Variants in NAV2 observed in about 807,000 individuals in gnomAD.
NAV2 encodes neuron navigator 2, also known as helicase, APC down-regulated 1.
In NAV2, 54 loss-of-function variants were observed where a neutral mutation model predicts 223.2. The ratio of observed to expected loss-of-function variants is 0.24; its 90% CI spans 0.19 to 0.30. The LOEUF (loss-of-function observed/expected upper bound fraction) is 0.30, where lower values mean the gene tolerates loss of function less well. Among genes scored for constraint, NAV2 ranks in the 10% least tolerant of loss-of-function variants. NAV2 has a pLI of 1.00. For missense variants in NAV2, 2,806 were observed against 3,147.5 expected (o/e 0.89, Z 2.60); for synonymous variants, 1,279 against 1,239.3 (o/e 1.03, Z -0.67).
intron 10 of NAV2, among the ~76,000 whole-genome samples, chr11:19,974,207 A>T (rs1565676393): frequency 6.6e-6 from 1 of 152,204 alleles, no homozygotes; most frequent in Non-Finnish European, 1.5e-5. Context: ...AGGTCTCATG[A>T]TTTAAGGCAA....
intron 11 of NAV2, among the ~76,000 whole-genome samples, chr11:20,023,383 T>C (rs1238905479): frequency 3.9e-5 from 6 of 152,162 alleles, no homozygotes; most frequent in Non-Finnish European, 1.5e-5. Flanking sequence ...CAGAGGAAAC[T>C]GGGGCATTAC....
chr11:19,637,227 T>G (rs1190627967), intron 1 of NAV2, among the ~76,000 whole-genome samples: 1 of 152,178 alleles, frequency 6.6e-6, no homozygotes, highest in East Asian at 1.9e-4. Context: ...CTGGTTTCTG[T>G]GACTAATACC....
At chr11:19,502,795 A>C (rs1017794028) in intron 1 of NAV2, 7 of 152,264 alleles carry the variant, frequency 4.6e-5, no homozygotes, top group African/African-American at 1.7e-4. Flanking sequence ...GAACACCTAC[A>C]TGCAGCCACA....
At chr11:20,002,250 A>G (rs2052621642) in intron 11 of NAV2, among the ~76,000 whole-genome samples, 1 of 152,170 alleles carries the variant, frequency 6.6e-6, no homozygotes, top group African/African-American at 2.4e-5. Context: ...AATTTGGGGC[A>G]TGGGAAGGGG....
intron 1 of NAV2, among the ~76,000 whole-genome samples, chr11:19,755,546 G>T (rs1352740867): frequency 6.6e-6 from 1 of 152,156 alleles, no homozygotes; most frequent in African/African-American, 2.4e-5. Context: ...GGCAGGATTG[G>T]TTCCTTCTAG....
intron 1 of NAV2, among the ~76,000 whole-genome samples, chr11:19,678,967 T>G (rs1231828268): frequency 6.6e-6 from 1 of 152,238 alleles, no homozygotes; most frequent in African/African-American, 2.4e-5. Context: ...GCATCTGTTA[T>G]GTTGACTAAT....
At chr11:19,892,071 G>A (rs1432706342) in intron 5 of NAV2, among the ~76,000 whole-genome samples, 2 of 152,154 alleles carry the variant, frequency 1.3e-5, no homozygotes, top group South Asian at 2.1e-4. Context: ...TGATTCTCCT[G>A]TCTCAGCTTC....
chr11:19,555,808 G>A (rs2044865880), intron 1 of NAV2, among the ~76,000 whole-genome samples: 1 of 152,050 alleles, frequency 6.6e-6, no homozygotes, highest in African/African-American at 2.4e-5. Flanking sequence ...CTCCCATGGT[G>A]CCTGGAAGAA....
chr11:19,513,673 AAGTCC>A (rs963122915), intron 1 of NAV2, among the ~76,000 whole-genome samples: 1 of 152,220 alleles, frequency 6.6e-6, no homozygotes, highest in African/African-American at 2.4e-5. Context: ...ACCTATGTTG[AAGTCC>A]TAACCCCTAA....
intron 1 of NAV2, among the ~76,000 whole-genome samples, chr11:19,722,045 A>G (rs1006249939): frequency 2.6e-5 from 4 of 152,244 alleles, no homozygotes; most frequent in Non-Finnish European, 4.4e-5. Flanking sequence ...GATGCCCCTG[A>G]TATTTATGAG....
At chr11:19,882,212 GA>G (rs1413167516) in intron 5 of NAV2, among the ~76,000 whole-genome samples, 4 of 152,190 alleles carry the variant, frequency 2.6e-5, no homozygotes, top group Non-Finnish European at 5.9e-5. Flanking sequence ...CAGTTGAGAG[GA>G]CTTTGCAATC....
At chr11:19,633,749 A>C (rs1443941553) in intron 1 of NAV2, among the ~76,000 whole-genome samples, 1 of 152,208 alleles carries the variant, frequency 6.6e-6, no homozygotes, top group Non-Finnish European at 1.5e-5. Context: ...GGTGTCATGG[A>C]GAAATGGGGC....
At chr11:19,630,731 C>T (rs1220659372) in intron 1 of NAV2, among the ~76,000 whole-genome samples, 1 of 151,940 alleles carries the variant, frequency 6.6e-6, no homozygotes, top group Non-Finnish European at 1.5e-5. Context: ...TAAAAATTAG[C>T]TGGACGTGGT....
chr11:19,360,871 G>A (rs2702745), intron 1 of NAV2, among the ~76,000 whole-genome samples: 142,273 of 152,210 alleles, frequency 0.93, 67,239 homozygotes, highest in East Asian at 1. Context: ...GAGCAAACAG[G>A]CATCAAGTGG....
chr11:19,606,930 T>C (rs2046488019), intron 1 of NAV2, among the ~76,000 whole-genome samples: 1 of 152,216 alleles, frequency 6.6e-6, no homozygotes, highest in Admixed American at 6.5e-5. Context: ...ACAATCTGCA[T>C]TTTAACAGGA....
At chr11:19,438,262 T>C (rs1851280187) in intron 1 of NAV2, among the ~76,000 whole-genome samples, 1 of 152,214 alleles carries the variant, frequency 6.6e-6, no homozygotes, top group Non-Finnish European at 1.5e-5. Flanking sequence ...GGTACTATTG[T>C]TATCCCAGTC....
intron 1 of NAV2, among the ~76,000 whole-genome samples, chr11:19,405,547 T>C (rs1343557130): frequency 6.6e-6 from 1 of 152,192 alleles, no homozygotes; most frequent in Non-Finnish European, 1.5e-5. Context: ...CCTCCTTCTG[T>C]ATACTGTTAG....
intron 1 of NAV2, among the ~76,000 whole-genome samples, chr11:19,453,323 C>T (rs1385433609): frequency 1.3e-5 from 2 of 151,870 alleles, no homozygotes; most frequent in Non-Finnish European, 2.9e-5. Context: ...GATATGGGGC[C>T]CAAGGAAGGA....
At chr11:19,725,914 G>C (rs148405023) in intron 1 of NAV2, among the ~76,000 whole-genome samples, 2 of 152,160 alleles carry the variant, frequency 1.3e-5, no homozygotes, top group Admixed American at 1.3e-4. Context: ...AGAGTGTCTC[G>C]TCACCTGGAT....
Sources: allele counts gnomAD v4.1 joint callset (sites outside exome capture counted in the v4.1 genomes callset), GRCh38; gene constraint gnomAD v4.1.1; transcripts MANE v1.5; gene names NCBI Gene and HGNC (gene_info 2026-07-23, HGNC 2026-07-21).